Variants in EFCAB5 observed in about 807,000 individuals in gnomAD.
EFCAB5 encodes the protein EF-hand calcium-binding domain-containing protein 5.
In EFCAB5, 131 loss-of-function variants were observed where a neutral mutation model predicts 167.9. The ratio of observed to expected loss-of-function variants is 0.78; its 90% CI spans 0.68 to 0.90. The LOEUF is 0.90. EFCAB5 is among the 40% of genes least tolerant of loss of function. The probability of loss-of-function intolerance (pLI) is 0.00; values close to 1 mark genes in which losing one functional copy is unlikely to be tolerated. For missense variants in EFCAB5, 1,663 were observed against 1,745.2 expected, an observed-to-expected ratio of 0.95 and a Z score of 0.84; for synonymous variants, 574 against 602.8, an observed-to-expected ratio of 0.95 and a Z score of 0.70.
At chr17:30,022,628 C>G (rs1036590824) in intron 7 of EFCAB5, among the ~76,000 whole-genome samples, 1 of 152,096 alleles carries the variant, frequency 6.6e-6, no homozygotes, top group Non-Finnish European at 1.5e-5. Flanking sequence ...ACTTTGTTTC[C>G]TTACTTCAGA....
intron 7 of EFCAB5, among the ~76,000 whole-genome samples, chr17:30,033,245 AT>A (rs1451461470): frequency 1.3e-5 from 2 of 151,968 alleles, no homozygotes; most frequent in African/African-American, 4.8e-5. Flanking sequence ...CGCCCGGCTA[AT>A]TTTTTGTATT....
chr17:30,078,117 GC>G, intron 14 of EFCAB5, 97 bp from the exon 15 acceptor site: 1 of 1,332,246 alleles, frequency 7.5e-7, no homozygotes. Flanking sequence ...GAGAGCAGTT[GC>G]CCAGGGCTTC....
intron 2 of EFCAB5, among the ~76,000 whole-genome samples, chr17:29,942,580 A>G (rs548522097): frequency 8.5e-5 from 13 of 152,298 alleles, no homozygotes; most frequent in African/African-American, 3.1e-4. Context: ...ACCAGCTTTT[A>G]GGGTCACTTT....
chr17:30,011,669 T>TA (rs1309272676), intron 7 of EFCAB5, among the ~76,000 whole-genome samples: 1 of 152,186 alleles, frequency 6.6e-6, no homozygotes, highest in Non-Finnish European at 1.5e-5. Flanking sequence ...ATCCTGAGAC[T>TA]ATGCTGAAGT....
chr17:30,078,230 A>T lies in EFCAB5; in HGVS notation c.2753A>T (p.Gln918Leu). 6.2e-7 allele frequency: 1 copy of T among 1,611,868 alleles called. No homozygotes were observed. Among genetic ancestry groups the T allele is most frequent in the African/African-American group, 1.3e-5 (1 of 74,932 alleles). The change falls in exon 15 of 23, where the codon CAA becomes CTA. Residue 918 changes from glutamine (Q) to leucine (L), a missense_variant. Coordinates refer to ENST00000394835, the MANE Select transcript of EFCAB5 (RefSeq NM_198529.4). The stretch of plus-strand genomic sequence containing the variant: ...TGTCTTTTAGCTAAACTACACATCC[A>T]ATTTCCAAAGCCACACCCTGGTCAC... ...ESMKKAKLHIQFPKPHPGHEV... is the reference protein window; with the variant it reads ...ESMKKAKLHILFPKPHPGHEV...
rs138270743 is a variant in EFCAB5, at chr17:30,066,788, A to T, written c.2737+7087A>T. Among the ~76,000 whole-genome samples, 144 of 152,302 alleles carry T rather than the reference A, an allele frequency of 9.5e-4. 2 individuals are homozygous for T. In the Middle Eastern group the frequency reaches 0.01, roughly 11 times the overall value. ...ACCATTAGCTAGACTAACCAAGAAA[A>T]AAAAAGACCCAAATGAATAAAATTA... On this transcript the variant is annotated intron_variant, in intron 14 of 22. Transcript: ENST00000394835.
chr17:29,987,215 A>T (rs2068306446), intron 4 of EFCAB5, among the ~76,000 whole-genome samples: 1 of 152,028 alleles, frequency 6.6e-6, no homozygotes, highest in Non-Finnish European at 1.5e-5. Flanking sequence ...ATCTGTCCCC[A>T]GGTAGGTGGC....
chr17:30,090,453 A>AC lies in EFCAB5; in HGVS notation c.3716_3717insC (p.Glu1239AspfsTer19). The stretch of plus-strand genomic sequence containing the variant: ...CTCTTTAAATGTACTGACAGTTCAG[A>AC]AGTTGTTCTGGCTTCTGCCTGTGGA... On this transcript the variant is annotated frameshift_variant, in exon 20 of 23. Coordinates refer to ENST00000394835, the MANE Select transcript of EFCAB5 (RefSeq NM_198529.4). LOFTEE classifies it high-confidence loss of function. 1 of 1,613,954 alleles carries AC rather than the reference A, an allele frequency of 6.2e-7. No homozygotes were observed. Among genetic ancestry groups the AC allele is most frequent in the Non-Finnish European group, 8.5e-7 (1 of 1,179,878 alleles).
intron 22 of EFCAB5, among the ~76,000 whole-genome samples, chr17:30,102,733 C>A (rs2071397928): frequency 6.6e-6 from 1 of 152,048 alleles, no homozygotes; most frequent in Admixed American, 6.6e-5. Context: ...AAAACTGTCT[C>A]TGGGGCGCAA....
chr17:30,019,624 T>G (rs1006391597), intron 7 of EFCAB5, among the ~76,000 whole-genome samples: 11 of 152,068 alleles, frequency 7.2e-5, no homozygotes, highest in African/African-American at 2.4e-4. Flanking sequence ...TTTTGTATTT[T>G]TAGTAGAGAC....
At chr17:30,073,804 T>C in intron 14 of EFCAB5, 1 of 491,258 alleles carries the variant, frequency 2.0e-6, no homozygotes, top group Non-Finnish European at 3.8e-6. Flanking sequence ...CACTCACCTG[T>C]AATCCCAGCT....
At chr17:30,100,573 G>C (rs1168414259) in intron 22 of EFCAB5, among the ~76,000 whole-genome samples, 3 of 152,130 alleles carry the variant, frequency 2.0e-5, no homozygotes, top group Non-Finnish European at 4.4e-5. Context: ...TTCAAGACCA[G>C]CCTGGCTAAC....
chr17:30,037,321 G>T (rs1235883815), intron 8 of EFCAB5, among the ~76,000 whole-genome samples: 1 of 152,168 alleles, frequency 6.6e-6, no homozygotes, highest in Admixed American at 6.5e-5. Flanking sequence ...GTACCCCCAA[G>T]AAGACACCTG....
At position 30,107,838 on chromosome 17, in the gene EFCAB5, T is replaced by C; in HGVS notation, c.4326T>C (p.His1442=). ...TCTTTTTTTTTCCTGATGCAGATCATTCCCGAACTGAAGTATGGAAATTTG... is the reference window on the plus strand; with the variant it reads ...TCTTTTTTTTTCCTGATGCAGATCACTCCCGAACTGAAGTATGGAAATTTG... The part of the protein sequence containing the change: ...VQLIDEYIRD[H]SRTEVWKFGN... Residue 1442 remains histidine (H), a synonymous_variant, in exon 23 of 23, where the codon CAT becomes CAC. Coordinates refer to ENST00000394835, the MANE Select transcript of EFCAB5 (RefSeq NM_198529.4). 1 of 1,565,624 alleles carries C rather than the reference T, an allele frequency of 6.4e-7. No homozygotes were observed. Among genetic ancestry groups the C allele is most frequent in the Non-Finnish European group, 8.6e-7 (1 of 1,162,130 alleles).
intron 22 of EFCAB5, among the ~76,000 whole-genome samples, chr17:30,105,875 T>G (rs1221273860): frequency 1.3e-5 from 2 of 152,182 alleles, no homozygotes; most frequent in East Asian, 3.8e-4. Context: ...CGCTTTAAAG[T>G]CAGCTTCAAA....
At chr17:29,931,889 G>A (rs943013222) in intron 1 of EFCAB5, among the ~76,000 whole-genome samples, 1 of 152,110 alleles carries the variant, frequency 6.6e-6, no homozygotes, top group African/African-American at 2.4e-5. Flanking sequence ...ACTTTTTCAT[G>A]GTAACATACT....
At chr17:30,067,109 C>G (rs897078056) in intron 14 of EFCAB5, among the ~76,000 whole-genome samples, 1 of 152,198 alleles carries the variant, frequency 6.6e-6, no homozygotes, top group Non-Finnish European at 1.5e-5. Flanking sequence ...CAGTTCTTCT[C>G]AAACTCTTTT....
chr17:29,960,739 T>C (rs761674239), intron 3 of EFCAB5, among the ~76,000 whole-genome samples: 9 of 152,224 alleles, frequency 5.9e-5, no homozygotes, highest in Non-Finnish European at 1.2e-4. Context: ...TGAACACTGA[T>C]GTGCAAGTAT....
chr17:29,930,966 T>A (rs990202857), intron 1 of EFCAB5, among the ~76,000 whole-genome samples: 1 of 152,162 alleles, frequency 6.6e-6, no homozygotes, highest in Admixed American at 6.5e-5. Flanking sequence ...CTCGTTAAGC[T>A]TTCTTCTCCT....
Sources: gnomAD v4.1 joint callset for allele counts (sites outside exome capture counted in the v4.1 genomes callset) on GRCh38, gnomAD v4.1.1 for gene constraint, MANE v1.5 for transcripts, NCBI Gene and HGNC (gene_info 2026-07-23, HGNC 2026-07-21) for gene names.